Variants in IGF2BP1 observed in about 807,000 individuals in gnomAD.
IGF2BP1 encodes insulin like growth factor 2 mRNA binding protein 1, also known as insulin-like growth factor 2 mRNA-binding protein 1.
IGF2BP1 carries 11 observed loss-of-function variants against 74.9 expected under a neutral mutation model. The observed-to-expected ratio is 0.15, with a 90% CI of 0.09 to 0.24. The LOEUF is 0.24. Among genes scored for constraint, IGF2BP1 ranks in the 10% least tolerant of loss-of-function variants. IGF2BP1 has a pLI of 1.00. For synonymous variants in IGF2BP1, 287 were observed against 281.8 expected, an observed-to-expected ratio of 1.02 and a Z score of -0.18; for missense variants, 440 against 757.4, an observed-to-expected ratio of 0.58 and a Z score of 4.92.
intron 5 of IGF2BP1, among the ~76,000 whole-genome samples, chr17:49,037,642 A>T (rs2042005059): frequency 6.6e-6 from 1 of 152,216 alleles, no homozygotes; most frequent in African/African-American, 2.4e-5. Flanking sequence ...TGAATTCTAC[A>T]TGTATACATT....
intron 2 of IGF2BP1, among the ~76,000 whole-genome samples, chr17:49,006,981 C>T (rs554507957): frequency 9.1e-4 from 139 of 152,264 alleles, no homozygotes; most frequent in Non-Finnish European, 1.7e-3. Flanking sequence ...GAACTTGGTC[C>T]AGGTTCCTAG....
At chr17:49,016,837 G>A (rs892928625) in intron 2 of IGF2BP1, among the ~76,000 whole-genome samples, 12 of 67,882 alleles carry the variant, frequency 1.8e-4, no homozygotes, top group Middle Eastern at 0.012. Flanking sequence ...CTGTCCTCCC[G>A]CCTGTCTGGC....
rs2042198842 is a variant in IGF2BP1 at position 49,054,116 on chromosome 17, G to GTA, written c.*4673_*4674dup. The GTA allele has an allele frequency of 6.5e-6, 1 of 152,720 alleles. No homozygotes were observed. Among genetic ancestry groups the GTA allele is most frequent in the Admixed American group, 6.5e-5 (1 of 15,286 alleles). The allele number at this position is 152,720 out of a possible 1,614,324, so 9.5% of individuals were successfully genotyped here. A position where few individuals can be genotyped will look rare whatever the true frequency, so the allele number is the denominator to read the frequency against. ...GGATACATAAGGCTTCTCTATCGGGGTACGGGACAGGGAGGAGGCCTCATG... is the reference window on the plus strand; with the variant it reads ...GGATACATAAGGCTTCTCTATCGGGGTATACGGGACAGGGAGGAGGCCTCATG... On this transcript the variant is annotated 3_prime_UTR_variant, in exon 15 of 15. Transcript: ENST00000290341.
In IGF2BP1 at chr17:49,044,945, G is replaced by T. The variant is rs754626339; in HGVS notation, c.1321-46G>T. 6.0e-6 allele frequency: 9 copies of T among 1,499,438 alleles called. No homozygotes were observed. The African/African-American group carries it at 1.2e-4, about 21-fold the overall frequency. The allele number at this position is 1,499,438 out of a possible 1,614,324, so 92.9% of individuals were successfully genotyped here. A position where few individuals can be genotyped will look rare whatever the true frequency, so the allele number is the denominator to read the frequency against. Reference sequence around the variant, plus strand: ...ACTGGATGAAGTGGACATGGTGGGGGTCTTCCCATAGAGGGTCCCTCATTG... The same window carrying T: ...ACTGGATGAAGTGGACATGGTGGGGTTCTTCCCATAGAGGGTCCCTCATTG... On this transcript the variant is annotated intron_variant, in intron 11 of 14. Transcript: ENST00000290341.
intron 2 of IGF2BP1, among the ~76,000 whole-genome samples, chr17:49,006,746 G>A (rs981466291): frequency 6.6e-6 from 1 of 152,194 alleles, no homozygotes; most frequent in South Asian, 2.1e-4. Context: ...GGATCTGTGC[G>A]TAGGGTGCTT....
At position 49,039,980 on chromosome 17, in the gene IGF2BP1, A is replaced by G. The variant is rs760920753; in HGVS notation, c.707A>G (p.Asn236Ser). The part of the protein sequence containing the change: ...QSKIDVHRKE[N>S]AGAAEKAISV... The stretch of plus-strand genomic sequence containing the variant: ...AGGATAGACGTGCATAGGAAGGAGA[A>G]CGCAGGTGCAGCTGAAAAAGCCATC... The change falls in exon 7 of 15, where the codon AAC becomes AGC. Residue 236 changes from asparagine (N) to serine (S), a missense_variant. Physicochemically the swap from Asn to Ser is conservative, Grantham distance 46 (BLOSUM62 1). Coordinates refer to ENST00000290341, the MANE Select transcript of IGF2BP1 (RefSeq NM_006546.4). 6.2e-7 allele frequency: 1 copy of G among 1,612,936 alleles called. No individual in the cohort carries two copies. Among genetic ancestry groups the G allele is most frequent in the South Asian group, 1.1e-5 (1 of 91,026 alleles).
intron 7 of IGF2BP1, among the ~76,000 whole-genome samples, chr17:49,040,722 G>C (rs2042042663): frequency 6.6e-6 from 1 of 152,202 alleles, no homozygotes; most frequent in Admixed American, 6.5e-5. Flanking sequence ...ACATATATTA[G>C]TACATATGGA....
chr17:49,009,131 G>A (rs2041586059), intron 2 of IGF2BP1, among the ~76,000 whole-genome samples: 2 of 152,100 alleles, frequency 1.3e-5, no homozygotes, highest in African/African-American at 4.8e-5. Context: ...GGGTTCAAGC[G>A]ATTCTCCTGC....
intron 2 of IGF2BP1, among the ~76,000 whole-genome samples, chr17:49,025,147 G>A (rs1021103495): frequency 1.3e-5 from 2 of 152,066 alleles, no homozygotes; most frequent in African/African-American, 2.4e-5. Flanking sequence ...AGCCGAGATC[G>A]CACCATTGCA....
Position 48,997,690 on chromosome 17 carries a change from C to A in IGF2BP1, c.-56C>A. The A allele has an allele frequency of 6.3e-7, 1 of 1,575,884 alleles. No homozygotes were observed. The highest frequency in any genetic ancestry group is 1.8e-5 in the Admixed American group (1 of 56,442). ...CCTCTTGGCCTAGGAGGCTCGCCGC[C>A]CGCGCCCGCTCGTTCGGCCTTGCCC... On this transcript the variant is annotated 5_prime_UTR_variant, in exon 1 of 15. Coordinates refer to ENST00000290341, the MANE Select transcript of IGF2BP1 (RefSeq NM_006546.4). This position sits in a 1 kb window ranked among gnomAD's most constrained non-coding sequence, Gnocchi z 4.8.
chr17:49,025,352 G>GTA (rs2144048698), intron 2 of IGF2BP1, among the ~76,000 whole-genome samples: 1 of 149,932 alleles, frequency 6.7e-6, no homozygotes, highest in Non-Finnish European at 1.5e-5. Context: ...GTGTGTGTGT[G>GTA]TGTGTTGGGA....
rs1480809528 is a variant in IGF2BP1 at position 49,019,972 on chromosome 17, ACACATACACC to A, written c.237-5641_237-5632del. Among the ~76,000 whole-genome samples, 65 of 85,832 alleles carry A rather than the reference ACACATACACC, an allele frequency of 7.6e-4. 1 individual carries two copies. Among genetic ancestry groups the A allele is most frequent in the Middle Eastern group, 5.1e-3 (1 of 196 alleles). The allele number at this position is 85,832 out of a possible 152,430, so 56.3% of individuals were successfully genotyped here. On this transcript the variant is annotated intron_variant, in intron 2 of 14. Coordinates refer to ENST00000290341, the MANE Select transcript of IGF2BP1 (RefSeq NM_006546.4). Reference sequence around the variant, plus strand: ...TATTTATATACACACACACACACACACACATACACCCACACATATATATACACACACACAC... The same window carrying A: ...TATTTATATACACACACACACACACACACACATATATATACACACACACAC...
chr17:49,036,126 G>A (rs1031434085), intron 5 of IGF2BP1, among the ~76,000 whole-genome samples: 2 of 152,178 alleles, frequency 1.3e-5, no homozygotes, highest in Admixed American at 1.3e-4. Context: ...GACCGGCATA[G>A]CGCTTGGCAA....
chr17:49,055,681 C>T lies in IGF2BP1; in HGVS notation c.*6237C>T. On this transcript the variant is annotated 3_prime_UTR_variant, in exon 15 of 15. Coordinates refer to ENST00000290341, the MANE Select transcript of IGF2BP1 (RefSeq NM_006546.4). ...TCTCCCTTTTCTCCAGGATCTTGAT[C>T]CTGGTCCCCAAAACCAGAGTGAATC... 2.5e-6 allele frequency: 1 copy of T among 398,508 alleles called. No individual in the cohort carries two copies. Among genetic ancestry groups the T allele is most frequent in the Non-Finnish European group, 4.4e-6 (1 of 226,052 alleles). 24.7% of individuals were successfully genotyped at this position (398,508 alleles called of 1,614,324 possible).
At chr17:49,016,487 A>G (rs1277045061) in intron 2 of IGF2BP1, among the ~76,000 whole-genome samples, 2 of 152,178 alleles carry the variant, frequency 1.3e-5, no homozygotes, top group African/African-American at 4.8e-5. Flanking sequence ...TGGGTAGAAG[A>G]GCCCTCCAGA....
chr17:49,022,957 C>T (rs1218661373), intron 2 of IGF2BP1, among the ~76,000 whole-genome samples: 1 of 152,258 alleles, frequency 6.6e-6, no homozygotes, highest in East Asian at 1.9e-4. Context: ...TGAGGGAGGT[C>T]CTGGGCCTGG....
At chr17:49,037,041 T>C in intron 5 of IGF2BP1, 2 of 224,808 alleles carry the variant, frequency 8.9e-6, no homozygotes, top group Non-Finnish European at 1.9e-5. Context: ...GGGGTTTCAG[T>C]TGTGAATTAT....
At chr17:49,024,910 G>T (rs1183049515) in intron 2 of IGF2BP1, among the ~76,000 whole-genome samples, 2 of 152,272 alleles carry the variant, frequency 1.3e-5, no homozygotes, top group African/African-American at 4.8e-5. Context: ...TAATGTCTTG[G>T]GCCGGGTGTT....
chr17:49,019,973 CACATACACCCACACATATATAT>C (rs1567815996), intron 2 of IGF2BP1, among the ~76,000 whole-genome samples: 25 of 79,070 alleles, frequency 3.2e-4, no homozygotes, highest in Non-Finnish European at 5.1e-4. Context: ...CACACACACA[CACATACACCCACACATATATAT>C]ACACACACAC....
Sources: allele counts gnomAD v4.1 joint callset (sites outside exome capture counted in the v4.1 genomes callset), GRCh38; gene constraint gnomAD v4.1.1; non-coding constraint Gnocchi (gnomAD v3.1); transcripts MANE v1.5; gene names NCBI Gene and HGNC (gene_info 2026-07-23, HGNC 2026-07-21).